Variants in AP1M1 observed in about 807,000 individuals in gnomAD.
AP1M1 encodes the protein AP-1 complex subunit mu-1.
In AP1M1, 18 loss-of-function variants were observed where a neutral mutation model predicts 57.1. The ratio of observed to expected loss-of-function variants is 0.32; its 90% CI spans 0.22 to 0.47. AP1M1 has a LOEUF of 0.47. AP1M1 is among the 20% of genes least tolerant of loss of function. The probability of loss-of-function intolerance (pLI) is 1.00; values close to 1 mark genes in which losing one functional copy is unlikely to be tolerated. For missense variants in AP1M1, 362 were observed against 593.5 expected (o/e 0.61, Z 4.05); for synonymous variants, 241 against 237.9 (o/e 1.01, Z -0.12).
At chr19:16,229,284 G>T in intron 9 of AP1M1, among the ~76,000 whole-genome samples, 1 of 152,242 alleles carries the variant, frequency 6.6e-6, no homozygotes. Flanking sequence ...CAGGTCCAAG[G>T]CCCTTTCTGT....
chr19:16,205,292 G>T (rs906193142), intron 2 of AP1M1, among the ~76,000 whole-genome samples: 2 of 152,170 alleles, frequency 1.3e-5, no homozygotes, highest in African/African-American at 4.8e-5. Flanking sequence ...GAGACAGGGA[G>T]GGCTCACCCC....
At position 16,207,952 on chromosome 19, in the gene AP1M1, A is replaced by G. The variant is rs991710096; in HGVS notation, c.268-67A>G. The G allele has an allele frequency of 7.3e-5, 113 of 1,552,684 alleles. No individual in the cohort carries two copies. The highest frequency in any genetic ancestry group is 9.3e-5 in the Non-Finnish European group (107 of 1,146,094). ...GGCAAATGAATGTGTGCAAGCGTTC[A>G]TTCATTCCTCATCCGTCCGCTCAAT... On this transcript the variant is annotated intron_variant, in intron 3 of 11. Coordinates refer to ENST00000291439, the MANE Select transcript of AP1M1 (RefSeq NM_032493.4). This position sits in a 1 kb window ranked among gnomAD's most constrained non-coding sequence, Gnocchi z 4.2.
rs2091473044 is a variant in AP1M1 at position 16,207,235 on chromosome 19, G to T, written c.268-784G>T. On this transcript the variant is annotated intron_variant, in intron 3 of 11. Transcript: ENST00000291439. This position sits in a 1 kb window ranked among gnomAD's most constrained non-coding sequence, Gnocchi z 4.2. ...AAAGCTTTCATCCCTCACTGATGCTGCCTGTGCAGAATGTTGGGGAACAGG... is the reference window on the plus strand; with the variant it reads ...AAAGCTTTCATCCCTCACTGATGCTTCCTGTGCAGAATGTTGGGGAACAGG... Among the ~76,000 whole-genome samples the T allele has an allele frequency of 6.6e-6, 1 of 152,144 alleles. No individual in the cohort carries two copies. The highest frequency in any genetic ancestry group is 6.5e-5 in the Admixed American group (1 of 15,286).
At chr19:16,224,525 G>C (rs1266121672) in intron 5 of AP1M1, among the ~76,000 whole-genome samples, 1 of 152,246 alleles carries the variant, frequency 6.6e-6, no homozygotes, top group African/African-American at 2.4e-5. Flanking sequence ...CGGGCCCTGA[G>C]CAAGCATCCC....
rs538682894 is a variant in AP1M1, at chr19:16,204,334, C to G, written c.199+719C>G. Reference sequence around the variant, plus strand: ...TATCCAGGAGGTCTAACTGGCCACCCCACAGCTTTGGGCAGACCCGCAAGC... The same window carrying G: ...TATCCAGGAGGTCTAACTGGCCACCGCACAGCTTTGGGCAGACCCGCAAGC... On this transcript the variant is annotated intron_variant, in intron 2 of 11. Transcript: ENST00000291439. Among the ~76,000 whole-genome samples the G allele has an allele frequency of 1.9e-3, 284 of 152,266 alleles. 1 individual carries two copies. The highest frequency in any genetic ancestry group is 6.6e-3 in the African/African-American group (273 of 41,542).
At chr19:16,221,490 G>C (rs1035683558) in intron 5 of AP1M1, among the ~76,000 whole-genome samples, 1 of 152,152 alleles carries the variant, frequency 6.6e-6, no homozygotes, top group Non-Finnish European at 1.5e-5. Flanking sequence ...AGCTAAACCT[G>C]ACTGGCTAAT....
At chr19:16,224,675 C>A (rs1261434132) in intron 5 of AP1M1, among the ~76,000 whole-genome samples, 3 of 152,224 alleles carry the variant, frequency 2.0e-5, no homozygotes, top group African/African-American at 7.2e-5. Flanking sequence ...TGGGCCTGCT[C>A]TCGCGGCATT....
At chr19:16,205,814 C>T (rs898054923) in intron 2 of AP1M1, among the ~76,000 whole-genome samples, 1 of 152,190 alleles carries the variant, frequency 6.6e-6, no homozygotes, top group Admixed American at 6.5e-5. Context: ...CTCCATTACA[C>T]AGGAGAGAAA....
intron 5 of AP1M1, among the ~76,000 whole-genome samples, chr19:16,219,079 T>A (rs1599460612): frequency 6.7e-6 from 1 of 148,490 alleles, no homozygotes; most frequent in African/African-American, 2.4e-5. Flanking sequence ...TTTTTTTTTT[T>A]AATCATGCGT....
intron 1 of AP1M1, among the ~76,000 whole-genome samples, chr19:16,202,577 C>T (rs975912580): frequency 9.2e-5 from 14 of 152,296 alleles, no homozygotes; most frequent in Admixed American, 2.6e-4. Context: ...ATTTTATACA[C>T]GTGCAGTCAT....
In AP1M1 at chr19:16,203,641, A is replaced by G. The variant is rs749993018; in HGVS notation, c.199+26A>G. The G allele has an allele frequency of 1.9e-6, 3 of 1,582,778 alleles. No individual in the cohort carries two copies. Among genetic ancestry groups the G allele is most frequent in the Non-Finnish European group, 2.6e-6 (3 of 1,162,704 alleles). ...GTATCCCTTTGCTGGGGGTGCTCCCAGGGGACTCCTGTGTGGGTGTTGGTG... is the reference window on the plus strand; with the variant it reads ...GTATCCCTTTGCTGGGGGTGCTCCCGGGGGACTCCTGTGTGGGTGTTGGTG... On this transcript the variant is annotated intron_variant, in intron 2 of 11. Coordinates refer to ENST00000291439, the MANE Select transcript of AP1M1 (RefSeq NM_032493.4). The surrounding 1 kb of genome is among the most constrained non-coding windows in gnomAD (Gnocchi z 4.6).
intron 5 of AP1M1, 102 bp downstream of exon 5, chr19:16,209,279 G>A: frequency 7.5e-7 from 1 of 1,341,940 alleles, no homozygotes; most frequent in Non-Finnish European, 1.0e-6. Flanking sequence ...GCCGTTCTGT[G>A]TGGTAACAGA....
In AP1M1 at chr19:16,197,938, G is replaced by T. The variant is rs2091430428; in HGVS notation, c.-89G>T. On this transcript the variant is annotated 5_prime_UTR_variant, in exon 1 of 12. Transcript: ENST00000291439. ...AAGTGGAGGTGAGCTGTCGCGGGCG[G>T]CGCCCGGCCTTGCTCAACGCCCAGC... The T allele has an allele frequency of 9.5e-7, 1 of 1,048,954 alleles. No individual in the cohort carries two copies. Among genetic ancestry groups the T allele is most frequent in the South Asian group, 2.0e-5 (1 of 50,294 alleles). The allele number at this position is 1,048,954 out of a possible 1,614,324, so 65.0% of individuals were successfully genotyped here.
At chr19:16,230,628 T>TG (rs1235514978) in intron 9 of AP1M1, among the ~76,000 whole-genome samples, 2 of 152,208 alleles carry the variant, frequency 1.3e-5, no homozygotes, top group Non-Finnish European at 2.9e-5. Context: ...GACGAACTCC[T>TG]GACCTTGTGA....
In AP1M1 at chr19:16,228,778, C is replaced by T. The variant is rs764012197; in HGVS notation, c.897C>T (p.Ser299=). The T allele has an allele frequency of 9.9e-6, 16 of 1,613,942 alleles. No homozygotes were observed. In the South Asian group the frequency reaches 1.1e-4, roughly 11 times the overall value. ...ATTGGCCTGGCCTGCAGGCCAAAAG[C>T]CAGTTCAAGCGGCGGTCAACAGCCA... is the stretch of plus-strand genomic sequence containing the variant. ...SRIEYMIKAK[S]QFKRRSTANN... Residue 299 remains serine (S), a synonymous_variant, in exon 9 of 12, where the codon AGC becomes AGT. Coordinates refer to ENST00000291439, the MANE Select transcript of AP1M1 (RefSeq NM_032493.4). This position sits in a 1 kb window ranked among gnomAD's most constrained non-coding sequence, Gnocchi z 5.0.
In AP1M1 at chr19:16,233,372, C is replaced by T. The variant is rs186425756; in HGVS notation, c.1048-121C>T. Reference sequence around the variant, plus strand: ...GCTTTGGCTCCCCAGCACAGGGGCTCATGCTCCCCTCCCTGGACTGGGGTG... The same window carrying T: ...GCTTTGGCTCCCCAGCACAGGGGCTTATGCTCCCCTCCCTGGACTGGGGTG... On this transcript the variant is annotated intron_variant, in intron 9 of 11. Coordinates refer to ENST00000291439, the MANE Select transcript of AP1M1 (RefSeq NM_032493.4). The T allele has an allele frequency of 1.9e-3, 2,636 of 1,363,722 alleles. 15 individuals carry two copies. The highest frequency in any genetic ancestry group is 0.014 in the South Asian group (899 of 62,996). The allele number at this position is 1,363,722 out of a possible 1,614,324, so 84.5% of individuals were successfully genotyped here.
In AP1M1 at chr19:16,244,837, A is replaced by T. The variant is rs1306962716; in HGVS notation, c.*10402A>T. 6.6e-6 allele frequency: 1 copy of T among 151,136 alleles called. No homozygotes were observed. The allele number at this position is 151,136 out of a possible 1,614,324, so 9.4% of individuals were successfully genotyped here. A position where few individuals can be genotyped will look rare whatever the true frequency, so the allele number is the denominator to read the frequency against. The stretch of plus-strand genomic sequence containing the variant: ...GGGCGACAGAGCGAGACTCCGTCTC[A>T]AAATAAATAAATAAATAAATAAATA... On this transcript the variant is annotated 3_prime_UTR_variant, in exon 12 of 12. Coordinates refer to ENST00000291439, the MANE Select transcript of AP1M1 (RefSeq NM_032493.4).
Position 16,207,884 on chromosome 19 carries a change from A to T in AP1M1, c.268-135A>T. 3 of 1,196,198 alleles carry T rather than the reference A, an allele frequency of 2.5e-6. No homozygotes were observed. The highest frequency in any genetic ancestry group is 3.5e-6 in the Non-Finnish European group (3 of 854,630). The allele number at this position is 1,196,198 out of a possible 1,614,324, so 74.1% of individuals were successfully genotyped here. On this transcript the variant is annotated intron_variant, in intron 3 of 11. Transcript: ENST00000291439. This position sits in a 1 kb window ranked among gnomAD's most constrained non-coding sequence, Gnocchi z 4.2. ...TAACCTGGGTCCAGGGCCCTGTAGC[A>T]CACCACCGAGCCTGGGAAGTAGGCT...
rs963027561 is a variant in AP1M1 at position 16,238,027 on chromosome 19, A to G, written c.*3592A>G. Reference sequence around the variant, plus strand: ...CCAATTTTTCATATTTTTTATAGAGATGGGGTCTCGTCATTTTGTCCACAC... The same window carrying G: ...CCAATTTTTCATATTTTTTATAGAGGTGGGGTCTCGTCATTTTGTCCACAC... On this transcript the variant is annotated 3_prime_UTR_variant, in exon 12 of 12. Coordinates refer to ENST00000291439, the MANE Select transcript of AP1M1 (RefSeq NM_032493.4). 6.6e-6 allele frequency: 1 copy of G among 151,962 alleles called. No homozygotes were observed. The highest frequency in any genetic ancestry group is 1.5e-5 in the Non-Finnish European group (1 of 68,016). The allele number at this position is 151,962 out of a possible 1,614,324, so 9.4% of individuals were successfully genotyped here.
Sources: gnomAD v4.1 joint callset for allele counts (sites outside exome capture counted in the v4.1 genomes callset) on GRCh38, gnomAD v4.1.1 for gene constraint, Gnocchi (gnomAD v3.1) non-coding constraint, MANE v1.5 for transcripts, NCBI Gene and HGNC (gene_info 2026-07-23, HGNC 2026-07-21) for gene names.